LRRC74B: variants seen among roughly 807,000 people sequenced by gnomAD.
LRRC74B encodes leucine-rich repeat-containing protein 74B.
A neutral mutation model predicts 16.6 loss-of-function variants in LRRC74B; 30 were observed. The ratio of observed to expected loss-of-function variants is 1.80; its 90% CI spans 1.35 to 2.45. The LOEUF (loss-of-function observed/expected upper bound fraction) is 2.45, where lower values mean the gene tolerates loss of function less well. LRRC74B is among the 30% of genes most tolerant of loss of function. The pLI is 0.00. For synonymous variants in LRRC74B, 134 were observed against 86.0 expected (o/e 1.56, Z -3.09); for missense variants, 326 against 202.4 (o/e 1.61, Z -3.71).
chr22:21,054,432 G>T (rs1282384221), intron 6 of LRRC74B, among the ~76,000 whole-genome samples: 4 of 152,220 alleles, frequency 2.6e-5, no homozygotes, highest in African/African-American at 4.8e-5. Flanking sequence ...TAGCCAGGAG[G>T]CACAAGCCCA....
At chr22:21,046,250 C>T (rs1321773783) in intron 1 of LRRC74B, 125 bp downstream of exon 1, 6 of 612,134 alleles carry the variant, frequency 9.8e-6, no homozygotes, top group East Asian at 2.7e-5. Flanking sequence ...GCCTCCAGCC[C>T]CCTGCCTTCC....
At chr22:21,046,538 A>G (rs962179469) in intron 1 of LRRC74B, among the ~76,000 whole-genome samples, 3 of 152,214 alleles carry the variant, frequency 2.0e-5, no homozygotes, top group African/African-American at 7.2e-5. Context: ...TACCACCACT[A>G]GCTGTGGGAT....
chr22:21,052,103 G>A (rs1601813991), intron 4 of LRRC74B, 146 bp from the exon 5 acceptor site: 2 of 625,274 alleles, frequency 3.2e-6, no homozygotes, highest in East Asian at 5.5e-5. Context: ...TGAAATGTGA[G>A]TTCCTTAAGG....
In LRRC74B at chr22:21,047,410, G is replaced by A. The variant is rs118037532; in HGVS notation, c.194G>A (p.Arg65Gln). The A allele has an allele frequency of 4.9e-3, 3,531 of 717,504 alleles. 17 individuals are homozygous for A. The highest frequency in any genetic ancestry group is 9.4e-3 in the Admixed American group (472 of 50,016). The allele number at this position is 717,504 out of a possible 1,614,324, so 44.4% of individuals were successfully genotyped here. ...GACACACTGTACCTGAGGTCTTGCCGGGCCCATAGTGTTGTGCCCATCTCC... is the reference window on the plus strand; with the variant it reads ...GACACACTGTACCTGAGGTCTTGCCAGGCCCATAGTGTTGTGCCCATCTCC... Residue 65 changes from arginine (R) to glutamine (Q), a missense_variant, in exon 2 of 9, where the codon CGG becomes CAG. By Grantham distance (43) the Arg-to-Gln change is conservative. Coordinates refer to ENST00000442047, the Ensembl canonical transcript of LRRC74B.
chr22:21,047,287 C>T (rs932412948), intron 1 of LRRC74B, 69 bp from the exon 2 acceptor site: 11 of 672,132 alleles, frequency 1.6e-5, no homozygotes, highest in African/African-American at 1.6e-4. Context: ...GGTAGTGACA[C>T]AGGGCAGGGG....
intron 7 of LRRC74B, among the ~76,000 whole-genome samples, chr22:21,055,938 G>A (rs73394592): frequency 0.014 from 2,143 of 152,194 alleles, 18 homozygotes; most frequent in African/African-American, 0.018. Context: ...ACCTCCTGGT[G>A]GGGGGCTCCT....
chr22:21,051,438 G>A (rs1930039337), intron 4 of LRRC74B, among the ~76,000 whole-genome samples: 1 of 152,070 alleles, frequency 6.6e-6, no homozygotes, highest in Non-Finnish European at 1.5e-5. Flanking sequence ...TGAGTCGCTG[G>A]GACCACAGGC....
At chr22:21,052,466 T>TAAA in intron 5 of LRRC74B, 108 bp downstream of exon 5, 4 of 673,288 alleles carry the variant, frequency 5.9e-6, no homozygotes, top group Non-Finnish European at 1.1e-5. Context: ...TTGGATCTTT[T>TAAA]AAGCACAGCT....
intron 4 of LRRC74B, among the ~76,000 whole-genome samples, chr22:21,049,809 G>A (rs752701443): frequency 6.6e-6 from 1 of 152,186 alleles, no homozygotes; most frequent in South Asian, 2.1e-4. Flanking sequence ...GATGTGATTG[G>A]GATTCCTTGA....
At chr22:21,053,788 T>C in intron 6 of LRRC74B, 1 of 196,930 alleles carries the variant, frequency 5.1e-6, no homozygotes. Context: ...CAAGCCTGGC[T>C]AATTTTTTCT....
chr22:21,061,664 G>A (rs528002983), downstream of LRRC74B: 1 of 152,344 alleles, frequency 6.6e-6, no homozygotes, highest in East Asian at 1.9e-4. Flanking sequence ...TGGCTTGTCT[G>A]ACAGTTCCTC....
intron 7 of LRRC74B, chr22:21,056,746 C>T: frequency 7.9e-6 from 2 of 251,896 alleles, no homozygotes; most frequent in East Asian, 2.0e-4. Context: ...CCCAGATACA[C>T]CTCCCCTCCC....
intron 8 of LRRC74B, 93 bp downstream of exon 8, chr22:21,057,293 C>G (rs920400525): frequency 1.5e-6 from 1 of 667,676 alleles, no homozygotes. Flanking sequence ...TTACAGAAAT[C>G]AAGAGCCCTG....
chr22:21,053,762 T>C, intron 6 of LRRC74B: 1 of 246,230 alleles, frequency 4.1e-6, no homozygotes. Context: ...TAGCTGGGAC[T>C]ACAGGAGTAT....
chr22:21,055,982 A>G (rs924078538), intron 7 of LRRC74B, among the ~76,000 whole-genome samples: 3 of 152,136 alleles, frequency 2.0e-5, no homozygotes, highest in African/African-American at 7.2e-5. Context: ...GCTGGGGCCC[A>G]GAGCCTGCCT....
At chr22:21,058,738 G>A (rs1930669783) in intron 8 of LRRC74B, among the ~76,000 whole-genome samples, 2 of 152,140 alleles carry the variant, frequency 1.3e-5, no homozygotes, top group South Asian at 4.1e-4. Context: ...ATTCCTGTCA[G>A]CACTGGATCT....
intron 7 of LRRC74B, among the ~76,000 whole-genome samples, chr22:21,056,179 C>G (rs1454496008): frequency 6.6e-6 from 1 of 152,212 alleles, no homozygotes; most frequent in Non-Finnish European, 1.5e-5. Context: ...GTTTTATCCC[C>G]TCTGGATAAA....
downstream of LRRC74B, chr22:21,063,557 A>G (rs901796731): frequency 3.1e-4 from 47 of 152,184 alleles, no homozygotes; most frequent in African/African-American, 1.1e-3. Flanking sequence ...TTAAAAAAAA[A>G]AAAAGCTGGG....
intron 3 of LRRC74B, chr22:21,048,525 A>C (rs1463290990): frequency 3.9e-6 from 1 of 257,012 alleles, no homozygotes; most frequent in Non-Finnish European, 7.6e-6. Context: ...GGTGAGCATG[A>C]AGTGAAATGC....
Sources: gnomAD v4.1 joint callset for allele counts (sites outside exome capture counted in the v4.1 genomes callset) on GRCh38, gnomAD v4.1.1 for gene constraint, MANE v1.5 for transcripts, NCBI Gene and HGNC (gene_info 2026-07-23, HGNC 2026-07-21) for gene names.